RAB3GAP2: variants seen among roughly 807,000 people sequenced by gnomAD.
The protein encoded by RAB3GAP2 is RAB3 GTPase activating non-catalytic protein subunit 2.
RAB3GAP2 carries 87 observed loss-of-function variants against 185.3 expected under a neutral mutation model. The ratio of observed to expected loss-of-function variants is 0.47; its 90% CI spans 0.39 to 0.56. RAB3GAP2 has a LOEUF of 0.56. Among genes scored for constraint, RAB3GAP2 ranks in the 20% least tolerant of loss-of-function variants. The pLI, the probability that RAB3GAP2 is intolerant of heterozygous loss-of-function variation, is 0.00. For missense variants in RAB3GAP2, 1,492 were observed against 1,638.2 expected, an observed-to-expected ratio of 0.91 and a Z score of 1.54; for synonymous variants, 554 against 576.1, an observed-to-expected ratio of 0.96 and a Z score of 0.55.
chr1:220,196,672 T>C (rs946575897), intron 9 of RAB3GAP2, among the ~76,000 whole-genome samples: 3 of 151,286 alleles, frequency 2.0e-5, no homozygotes, highest in Non-Finnish European at 4.4e-5. Flanking sequence ...CTCTACTAAA[T>C]ATACAAAAAT....
At chr1:220,220,343 G>A (rs1057309159) in intron 2 of RAB3GAP2, 19 of 152,460 alleles carry the variant, frequency 1.2e-4, no homozygotes, top group African/African-American at 4.6e-4. Context: ...TGGAGTCCCC[G>A]AAGATCCGCA....
At chr1:220,241,551 C>T (rs148951211) in intron 1 of RAB3GAP2, among the ~76,000 whole-genome samples, 1 of 152,012 alleles carries the variant, frequency 6.6e-6, no homozygotes, top group Non-Finnish European at 1.5e-5. Context: ...CTTGGCTCTA[C>T]TTGGCCAAGG....
chr1:220,157,153 T>TCAC, intron 31 of RAB3GAP2, 117 bp downstream of exon 31: 1 of 904,148 alleles, frequency 1.1e-6, no homozygotes, highest in Non-Finnish European at 1.8e-6. Context: ...AGTTGGAACC[T>TCAC]CACACCAAAT....
chr1:220,157,246 T>C, intron 31 of RAB3GAP2, 24 bp downstream of exon 31: 1 of 1,591,644 alleles, frequency 6.3e-7, no homozygotes, highest in South Asian at 1.1e-5. Context: ...CCAAAATAGC[T>C]CTGAAATCCT....
chr1:220,270,109 T>C (rs905853484), intron 1 of RAB3GAP2, among the ~76,000 whole-genome samples: 5 of 152,198 alleles, frequency 3.3e-5, no homozygotes. Flanking sequence ...TTTCTATCCT[T>C]TTCTTACCTG....
chr1:220,195,650 A>G (rs1488750648), intron 10 of RAB3GAP2, among the ~76,000 whole-genome samples: 1 of 152,230 alleles, frequency 6.6e-6, no homozygotes, highest in Non-Finnish European at 1.5e-5. Context: ...ATTTTAAACT[A>G]GGACATTAAG....
intron 2 of RAB3GAP2, among the ~76,000 whole-genome samples, chr1:220,215,305 G>A (rs1293023401): frequency 6.6e-6 from 1 of 152,096 alleles, no homozygotes; most frequent in Non-Finnish European, 1.5e-5. Flanking sequence ...CCCCACACAT[G>A]TTGTATTAAT....
At chr1:220,233,715 T>C (rs1404038890) in intron 1 of RAB3GAP2, among the ~76,000 whole-genome samples, 1 of 152,212 alleles carries the variant, frequency 6.6e-6, no homozygotes, top group African/African-American at 2.4e-5. Flanking sequence ...TGTGTTTTTT[T>C]TTTGAGATGG....
At chr1:220,247,225 C>G (rs1213076283) in intron 1 of RAB3GAP2, among the ~76,000 whole-genome samples, 4 of 152,176 alleles carry the variant, frequency 2.6e-5, no homozygotes, top group Non-Finnish European at 5.9e-5. Context: ...AAAAGTAGAT[C>G]TACCAGGTGA....
chr1:220,253,665 G>C (rs1378100658), intron 1 of RAB3GAP2: 1 of 1,601,472 alleles, frequency 6.2e-7, no homozygotes, highest in Non-Finnish European at 8.5e-7. Flanking sequence ...AGTGTGTAAA[G>C]GTTGCCATAA....
intron 1 of RAB3GAP2, among the ~76,000 whole-genome samples, chr1:220,252,793 G>A (rs184314518): frequency 4.5e-4 from 61 of 134,710 alleles, no homozygotes; most frequent in Non-Finnish European, 8.4e-4. Context: ...CAGCCACTCA[G>A]GCACACACAG....
chr1:220,211,449 C>T, intron 4 of RAB3GAP2: 1 of 453,280 alleles, frequency 2.2e-6, no homozygotes, highest in Non-Finnish European at 4.4e-6. Flanking sequence ...AGTCACGTTA[C>T]ATGCAAACTG....
chr1:220,196,523 C>T (rs1005856726), intron 9 of RAB3GAP2, 125 bp from the exon 10 acceptor site: 1 of 1,011,566 alleles, frequency 9.9e-7, no homozygotes, highest in Admixed American at 2.2e-5. Context: ...ATTTTAAAAG[C>T]TACAAAGTCA....
chr1:220,193,737 ATTC>A (rs1389610637), intron 12 of RAB3GAP2, among the ~76,000 whole-genome samples: 3 of 152,208 alleles, frequency 2.0e-5, no homozygotes, highest in South Asian at 2.1e-4. Flanking sequence ...TCTATTTTAA[ATTC>A]TTCTTCTTAA....
At chr1:220,259,085 C>A (rs1188704242) in intron 1 of RAB3GAP2, among the ~76,000 whole-genome samples, 3 of 152,010 alleles carry the variant, frequency 2.0e-5, no homozygotes, top group Non-Finnish European at 4.4e-5. Flanking sequence ...AGAGAGGACA[C>A]AAATAAATGG....
At chr1:220,272,173 G>C (rs770396485) in intron 1 of RAB3GAP2, 50 bp downstream of exon 1, 2 of 1,477,586 alleles carry the variant, frequency 1.4e-6, no homozygotes, top group South Asian at 2.4e-5. Context: ...CCCGTGAGCA[G>C]AGGCCGCGGG....
In RAB3GAP2 at chr1:220,152,149, T is replaced by C. The variant is rs533373648; in HGVS notation, c.3868-385A>G. On this transcript the variant is annotated intron_variant, in intron 33 of 34. Transcript: ENST00000358951. ...GGAGTGCAGTGGTGCAATCTCAGCT[T>C]ACTGCAGCCTCCACCTCCTGGGTTC... 1.4e-4 allele frequency among the ~76,000 whole-genome samples: 21 copies of C among 152,292 alleles called. No individual in the cohort carries two copies. The South Asian group carries it at 1.9e-3, about 14-fold the overall frequency.
At chr1:220,185,535 A>G (rs951715580) in intron 18 of RAB3GAP2, 116 bp downstream of exon 18, 2 of 717,194 alleles carry the variant, frequency 2.8e-6, no homozygotes, top group African/African-American at 1.8e-5. Context: ...TCTTATATCT[A>G]TATTACTTCC....
In RAB3GAP2 at chr1:220,224,132, T is replaced by C. The variant is rs146622307; in HGVS notation, c.180+8667A>G. Among the ~76,000 whole-genome samples the C allele has an allele frequency of 7.3e-3, 1,107 of 152,320 alleles. 8 individuals are homozygous for C. Among genetic ancestry groups the C allele is most frequent in the Middle Eastern group, 0.02 (6 of 294 alleles). On this transcript the variant is annotated intron_variant, in intron 2 of 34. Transcript: ENST00000358951. ...AGGTACTATTCTAAGCATATATCAT[T>C]TAATCCTCATGGCAATACTATGAGT... is the stretch of plus-strand genomic sequence containing the variant.
Sources: gnomAD v4.1 joint callset for allele counts (sites outside exome capture counted in the v4.1 genomes callset) on GRCh38, gnomAD v4.1.1 for gene constraint, MANE v1.5 for transcripts, NCBI Gene and HGNC (gene_info 2026-07-23, HGNC 2026-07-21) for gene names.